ZFP91: variants seen among roughly 807,000 people sequenced by gnomAD.
The protein encoded by ZFP91 is ZFP91 zinc finger protein, atypical E3 ubiquitin ligase, also known as E3 ubiquitin-protein ligase ZFP91.
A neutral mutation model predicts 63.5 loss-of-function variants in ZFP91; 7 were observed. The ratio of observed to expected loss-of-function variants is 0.11; its 90% CI spans 0.06 to 0.21. The LOEUF is 0.21. Among genes scored for constraint, ZFP91 ranks in the 10% least tolerant of loss-of-function variants. The probability of loss-of-function intolerance (pLI) is 1.00; values close to 1 mark genes in which losing one functional copy is unlikely to be tolerated. For missense variants in ZFP91, 628 were observed against 736.6 expected, an observed-to-expected ratio of 0.85 and a Z score of 1.71; for synonymous variants, 330 against 272.1, an observed-to-expected ratio of 1.21 and a Z score of -2.10.
intron 2 of ZFP91, among the ~76,000 whole-genome samples, chr11:58,595,101 C>A (rs990994612): frequency 6.6e-6 from 1 of 152,104 alleles, no homozygotes; most frequent in Non-Finnish European, 1.5e-5. Flanking sequence ...TAGATATACC[C>A]GTGTTCAGTT....
chr11:58,599,478 C>A (rs1273455352), intron 2 of ZFP91, among the ~76,000 whole-genome samples: 1 of 152,052 alleles, frequency 6.6e-6, no homozygotes, highest in Non-Finnish European at 1.5e-5. Flanking sequence ...GTTCCAATTT[C>A]TCTGCATTCT....
intron 1 of ZFP91, among the ~76,000 whole-genome samples, chr11:58,583,975 A>C (rs1855162197): frequency 6.6e-6 from 1 of 152,156 alleles, no homozygotes. Context: ...CTATATGATA[A>C]ATGTTCAGGG....
rs1855760000 is a variant in ZFP91, at chr11:58,617,037, C to T, written c.1203-159C>T. Among the ~76,000 whole-genome samples the T allele has an allele frequency of 6.6e-6, 1 of 151,532 alleles. No individual in the cohort carries two copies. The highest frequency in any genetic ancestry group is 6.6e-5 in the Admixed American group (1 of 15,186). On this transcript the variant is annotated intron_variant, in intron 10 of 10. Coordinates refer to ENST00000316059, the MANE Select transcript of ZFP91 (RefSeq NM_053023.5). This position sits in a 1 kb window ranked among gnomAD's most constrained non-coding sequence, Gnocchi z 4.2. ...ATTAGTTTTCCATCTAGTAACATTT[C>T]CCAATCCTTCAAAAGAAGTATGTTA...
chr11:58,597,382 G>A (rs1410466812), intron 2 of ZFP91, among the ~76,000 whole-genome samples: 1 of 152,100 alleles, frequency 6.6e-6, no homozygotes, highest in Non-Finnish European at 1.5e-5. Flanking sequence ...CTGGACTGGG[G>A]TAGTTGCATT....
At chr11:58,580,025 C>T (rs1423161292) in intron 1 of ZFP91, among the ~76,000 whole-genome samples, 1 of 152,054 alleles carries the variant, frequency 6.6e-6, no homozygotes, top group Non-Finnish European at 1.5e-5. Context: ...CGATCATAGC[C>T]TTCAAAAATG....
Position 58,617,703 on chromosome 11 carries a change from T to G in ZFP91, c.1710T>G (p.Pro570=). ...TTGAAGATTCAGACTCTGCCGGACC[T>G]TAGTGGACAGGAAGACTTGGGGCAT... ...VLIEDSDSAG[P] Residue 570 remains proline, a synonymous_variant, in exon 11 of 11, where the codon CCT becomes CCG. Transcript: ENST00000316059. This position sits in a 1 kb window ranked among gnomAD's most constrained non-coding sequence, Gnocchi z 4.2. 1 of 1,499,644 alleles carries G rather than the reference T, an allele frequency of 6.7e-7. No individual in the cohort carries two copies. The highest frequency in any genetic ancestry group is 8.9e-7 in the Non-Finnish European group (1 of 1,125,200). The allele number at this position is 1,499,644 out of a possible 1,614,324, so 92.9% of individuals were successfully genotyped here. A position where few individuals can be genotyped will look rare whatever the true frequency, so the allele number is the denominator to read the frequency against.
intron 1 of ZFP91, among the ~76,000 whole-genome samples, chr11:58,582,011 T>TA (rs1467376669): frequency 6.6e-6 from 1 of 152,222 alleles, no homozygotes; most frequent in Non-Finnish European, 1.5e-5. Flanking sequence ...TTCGTCATAA[T>TA]AGAGTTTTTG....
rs994158073 is a variant in ZFP91 at position 58,620,804 on chromosome 11, G to A, written c.*3098G>A. The A allele has an allele frequency of 5.2e-5, 8 of 152,486 alleles. No homozygotes were observed. The highest frequency in any genetic ancestry group is 1.9e-4 in the East Asian group (1 of 5,202). 9.4% of individuals were successfully genotyped at this position (152,486 alleles called of 1,614,324 possible). On this transcript the variant is annotated 3_prime_UTR_variant, in exon 11 of 11. Coordinates refer to ENST00000316059, the MANE Select transcript of ZFP91 (RefSeq NM_053023.5). The stretch of plus-strand genomic sequence containing the variant: ...TCAAGAAAATTGAACAAATGTAATG[G>A]ATCAATTTAAAATATTTTATTTCTT...
intron 1 of ZFP91, among the ~76,000 whole-genome samples, chr11:58,584,374 A>G (rs776102201): frequency 1.3e-5 from 2 of 152,112 alleles, no homozygotes; most frequent in South Asian, 2.1e-4. Flanking sequence ...AGATTTTGCC[A>G]TGCTTGCTAT....
At chr11:58,591,314 T>A (rs914614566) in intron 2 of ZFP91, among the ~76,000 whole-genome samples, 2 of 152,364 alleles carry the variant, frequency 1.3e-5, no homozygotes, top group East Asian at 3.9e-4. Flanking sequence ...TTAGTTGTTG[T>A]ATAGTGTCCC....
At chr11:58,588,723 T>C (rs1273186541) in intron 2 of ZFP91, among the ~76,000 whole-genome samples, 1 of 152,106 alleles carries the variant, frequency 6.6e-6, no homozygotes, top group African/African-American at 2.4e-5. Flanking sequence ...AGTATACTTT[T>C]TTGTTGGTTT....
chr11:58,590,986 CATATT>C (rs1333361127), intron 2 of ZFP91, among the ~76,000 whole-genome samples: 3 of 151,604 alleles, frequency 2.0e-5, no homozygotes, highest in Non-Finnish European at 4.4e-5. Context: ...CAGAAATGCA[CATATT>C]ATAAGACATA....
At chr11:58,613,186 C>CA (rs1165254860) in intron 8 of ZFP91, among the ~76,000 whole-genome samples, 2 of 152,106 alleles carry the variant, frequency 1.3e-5, no homozygotes, top group Non-Finnish European at 1.5e-5. Context: ...TTACAAAGAA[C>CA]ATATATTTAT....
chr11:58,580,168 T>C (rs1855087935), intron 1 of ZFP91, among the ~76,000 whole-genome samples: 1 of 152,030 alleles, frequency 6.6e-6, no homozygotes, highest in Non-Finnish European at 1.5e-5. Flanking sequence ...CTTATTATGG[T>C]CAGGTTAAAA....
intron 2 of ZFP91, among the ~76,000 whole-genome samples, chr11:58,590,573 A>T (rs1325854449): frequency 6.6e-6 from 1 of 152,242 alleles, no homozygotes; most frequent in Non-Finnish European, 1.5e-5. Context: ...AATCGAAGTC[A>T]TAAAATCAAA....
At chr11:58,611,136 C>G in intron 5 of ZFP91, 82 bp downstream of exon 5, 1 of 1,219,292 alleles carries the variant, frequency 8.2e-7, no homozygotes, top group Non-Finnish European at 1.2e-6. Flanking sequence ...TTATCTGTTG[C>G]CAAGCTAATG....
At chr11:58,615,712 T>G (rs530506557) in intron 9 of ZFP91, among the ~76,000 whole-genome samples, 9 of 152,322 alleles carry the variant, frequency 5.9e-5, no homozygotes, top group African/African-American at 2.2e-4. Flanking sequence ...ATTTGGGTTC[T>G]TATTAGAGAT....
intron 2 of ZFP91, among the ~76,000 whole-genome samples, chr11:58,604,290 A>C (rs1437639433): frequency 4.6e-5 from 7 of 152,184 alleles, no homozygotes; most frequent in Non-Finnish European, 1.0e-4. Context: ...AGGACATCAC[A>C]CATGGGACAG....
At position 58,611,587 on chromosome 11, in the gene ZFP91, T is replaced by C. The variant is rs1855663605; in HGVS notation, c.723-17T>C. The C allele has an allele frequency of 6.2e-7, 1 of 1,608,780 alleles. No individual in the cohort carries two copies. The highest frequency in any genetic ancestry group is 1.3e-5 in the African/African-American group (1 of 74,692). ...AAAGATCTTTTGTCTAGTATTGAAA[T>C]GCATTTGTGTTTTCAGGGAAACCCC... On this transcript the variant is annotated splice_polypyrimidine_tract_variant and intron_variant, in intron 5 of 10. Transcript: ENST00000316059.
Sources: allele counts gnomAD v4.1 joint callset (sites outside exome capture counted in the v4.1 genomes callset), GRCh38; gene constraint gnomAD v4.1.1; non-coding constraint Gnocchi (gnomAD v3.1); transcripts MANE v1.5; gene names NCBI Gene and HGNC (gene_info 2026-07-23, HGNC 2026-07-21).